Variants in IRAK2 observed in about 807,000 individuals in gnomAD.
The protein encoded by IRAK2 is interleukin-1 receptor-associated kinase-like 2.
Under a neutral mutation model 72.0 loss-of-function variants are expected in IRAK2, and 57 were observed. The observed-to-expected ratio is 0.79, with a 90% confidence interval of 0.64 to 0.99. IRAK2 has a LOEUF of 0.99. IRAK2 is among the 50% of genes least tolerant of loss of function. The probability of loss-of-function intolerance (pLI) is 0.00; values close to 1 mark genes in which losing one functional copy is unlikely to be tolerated. For synonymous variants in IRAK2, 293 were observed against 312.7 expected, an observed-to-expected ratio of 0.94 and a Z score of 0.67; for missense variants, 790 against 794.4, an observed-to-expected ratio of 0.99 and a Z score of 0.07.
At chr3:10,185,513 G>T (rs1268416808) in intron 2 of IRAK2, among the ~76,000 whole-genome samples, 1 of 130,096 alleles carries the variant, frequency 7.7e-6, no homozygotes, top group Non-Finnish European at 1.5e-5. Flanking sequence ...AGCCAAGATC[G>T]CACCATTGTA....
At chr3:10,235,638 A>C (rs1487184678) in intron 11 of IRAK2, among the ~76,000 whole-genome samples, 1 of 152,096 alleles carries the variant, frequency 6.6e-6, no homozygotes, top group African/African-American at 2.4e-5. Context: ...TGTGACTCGG[A>C]CCAGACACCC....
chr3:10,229,631 G>T (rs976759081), intron 10 of IRAK2, among the ~76,000 whole-genome samples: 3 of 152,128 alleles, frequency 2.0e-5, no homozygotes, highest in Non-Finnish European at 4.4e-5. Flanking sequence ...GTAGCATGGT[G>T]CTTAGATTCA....
chr3:10,215,413 AATT>A (rs201527851), intron 6 of IRAK2, among the ~76,000 whole-genome samples: 5,215 of 138,838 alleles, frequency 0.038, 324 homozygotes, highest in African/African-American at 0.11. Flanking sequence ...AAAAAAAAAA[AATT>A]AATTAATTAA....
At position 10,194,206 on chromosome 3, in the gene IRAK2, C is replaced by T. The variant is rs568344810; in HGVS notation, c.278-6163C>T. On this transcript the variant is annotated intron_variant, in intron 2 of 12. Transcript: ENST00000256458. Reference sequence around the variant, plus strand: ...GAGGGTTAGGAGGTCTGTGCCTGGGCGTGAAGCTGGAATCGCAGAGCTTGG... The same window carrying T: ...GAGGGTTAGGAGGTCTGTGCCTGGGTGTGAAGCTGGAATCGCAGAGCTTGG... Among the ~76,000 whole-genome samples, 46 of 152,254 alleles carry T rather than the reference C, an allele frequency of 3.0e-4. No homozygotes were observed. The East Asian group carries it at 6.4e-3, about 21-fold the overall frequency.
intron 2 of IRAK2, among the ~76,000 whole-genome samples, chr3:10,183,562 C>T (rs547566612): frequency 6.6e-6 from 1 of 152,046 alleles, no homozygotes; most frequent in Non-Finnish European, 1.5e-5. Flanking sequence ...CTAAAACAAA[C>T]AAACAAAAAT....
intron 1 of IRAK2, among the ~76,000 whole-genome samples, chr3:10,172,019 C>T (rs1235628372): frequency 4.6e-5 from 7 of 151,962 alleles, no homozygotes; most frequent in East Asian, 1.9e-4. Context: ...GGGAGGACCA[C>T]GAGGTCAGGA....
In IRAK2 at chr3:10,222,559, T is replaced by C. The variant is rs1697712669; in HGVS notation, c.1014-77T>C. On this transcript the variant is annotated intron_variant, in intron 8 of 12. Transcript: ENST00000256458. ...CAGGAGGTGAGGTTGCTATATTGTC[T>C]CCCCAAAGGGTCTCCATGGCAACTT... The C allele has an allele frequency of 3.3e-6, 4 of 1,207,096 alleles. No homozygotes were observed. The South Asian group carries it at 5.3e-5, about 16-fold the overall frequency. 74.8% of individuals were successfully genotyped at this position (1,207,096 alleles called of 1,614,324 possible).
intron 6 of IRAK2, 108 bp downstream of exon 6, chr3:10,213,656 C>G (rs1697558219): frequency 2.0e-5 from 16 of 803,524 alleles, no homozygotes; most frequent in Non-Finnish European, 2.9e-5. Context: ...TCATTTAGTC[C>G]TTACAAGAAC....
chr3:10,213,377 A>G lies in IRAK2; in HGVS notation c.699A>G (p.Pro233=), dbSNP rs1697554016. 1.2e-6 allele frequency: 2 copies of G among 1,613,818 alleles called. No homozygotes were observed. Among genetic ancestry groups the G allele is most frequent in the Non-Finnish European group, 1.7e-6 (2 of 1,179,834 alleles). The change falls in exon 5 of 13, where the codon CCA becomes CCG. Residue 233 remains proline (P), a synonymous_variant. Transcript: ENST00000256458. ...DVYRGHRHGK[P]FVFKKLRETA... ...ACAGAGGGCACAGGCACGGGAAGCC[A>G]TTCGTCTTCAAGAAGCTCAGAGAGG...
At chr3:10,182,470 G>A (rs2928089) in intron 2 of IRAK2, among the ~76,000 whole-genome samples, 43,768 of 151,012 alleles carry the variant, frequency 0.29, 7,411 homozygotes, top group Non-Finnish European at 0.39. Context: ...TTTAGTTAGA[G>A]ACGGGGTTTC....
chr3:10,205,322 T>C (rs1419134153), intron 3 of IRAK2, among the ~76,000 whole-genome samples: 8 of 151,968 alleles, frequency 5.3e-5, no homozygotes, highest in Non-Finnish European at 1.5e-5. Flanking sequence ...TAGGGAGAGA[T>C]GGAGAGTAAT....
intron 1 of IRAK2, among the ~76,000 whole-genome samples, chr3:10,171,595 A>G (rs1293563775): frequency 6.6e-6 from 1 of 152,084 alleles, no homozygotes. Context: ...GTTAATCATC[A>G]GGGATAAAAA....
chr3:10,218,875 A>T (rs1369117806), intron 7 of IRAK2, among the ~76,000 whole-genome samples: 2 of 152,150 alleles, frequency 1.3e-5, no homozygotes, highest in Admixed American at 1.3e-4. Flanking sequence ...CTGAACTGGG[A>T]GTTACACCTA....
chr3:10,230,268 G>A (rs1697838170), intron 10 of IRAK2, among the ~76,000 whole-genome samples: 1 of 151,764 alleles, frequency 6.6e-6, no homozygotes, highest in Non-Finnish European at 1.5e-5. Context: ...TATAAATTGA[G>A]GATAATAGTA....
intron 1 of IRAK2, among the ~76,000 whole-genome samples, chr3:10,166,487 G>C (rs1250335620): frequency 6.6e-6 from 1 of 152,190 alleles, no homozygotes; most frequent in Non-Finnish European, 1.5e-5. Context: ...CTTTGGGCCA[G>C]TTTGTTAACC....
chr3:10,217,889 G>A (rs76304402), intron 7 of IRAK2, among the ~76,000 whole-genome samples: 1,573 of 152,218 alleles, frequency 0.01, 24 homozygotes, highest in African/African-American at 0.035. Context: ...AGGGTTTTAC[G>A]TAGGTCATCA....
rs184227283 is a variant in IRAK2, at chr3:10,206,618, T to G, written c.425-2971T>G. Among the ~76,000 whole-genome samples the G allele has an allele frequency of 1.4e-4, 21 of 152,034 alleles. No homozygotes were observed. In the East Asian group the frequency reaches 3.9e-3, roughly 28 times the overall value. Reference sequence around the variant, plus strand: ...TTGCCCAGGTTGGAGTGCAGTGGTATGATCTTGGCTCACTGCAACCTCTGC... The same window carrying G: ...TTGCCCAGGTTGGAGTGCAGTGGTAGGATCTTGGCTCACTGCAACCTCTGC... On this transcript the variant is annotated intron_variant, in intron 3 of 12. Transcript: ENST00000256458.
intron 2 of IRAK2, among the ~76,000 whole-genome samples, chr3:10,184,312 A>G (rs1431315770): frequency 6.6e-6 from 1 of 152,190 alleles, no homozygotes; most frequent in Non-Finnish European, 1.5e-5. Flanking sequence ...AAAAGGAGGC[A>G]ATCAGTATTG....
chr3:10,235,709 AAAT>A (rs1437518078), intron 11 of IRAK2, among the ~76,000 whole-genome samples: 1 of 152,096 alleles, frequency 6.6e-6, no homozygotes, highest in Non-Finnish European at 1.5e-5. Flanking sequence ...TAGCTGGAAA[AAAT>A]CTTCAATAAC....
Sources: gnomAD v4.1 joint callset for allele counts (sites outside exome capture counted in the v4.1 genomes callset) on GRCh38, gnomAD v4.1.1 for gene constraint, MANE v1.5 for transcripts, NCBI Gene and HGNC (gene_info 2026-07-23, HGNC 2026-07-21) for gene names.